Variants in DENND5A observed in about 807,000 individuals in gnomAD.
DENND5A encodes DENN domain containing 5A, also known as DENN domain-containing protein 5A.
DENND5A carries 64 observed loss-of-function variants against 140.3 expected under a neutral mutation model. That is an observed-to-expected ratio of 0.46 (90% CI 0.37 to 0.56). The LOEUF (loss-of-function observed/expected upper bound fraction) is 0.56, where lower values mean the gene tolerates loss of function less well. DENND5A is among the 20% of genes least tolerant of loss of function. DENND5A has a pLI of 0.00. For missense variants in DENND5A, 1,292 were observed against 1,593.8 expected (o/e 0.81, Z 3.22); for synonymous variants, 605 against 607.7 (o/e 1.00, Z 0.07).
At chr11:9,145,944 T>C (rs1847417949) in intron 16 of DENND5A, 129 bp from the exon 17 acceptor site, 2 of 1,011,326 alleles carry the variant, frequency 2.0e-6, no homozygotes, top group Admixed American at 4.2e-5. Flanking sequence ...AGCAGAGCCC[T>C]GGAACAAGAG....
intron 3 of DENND5A, among the ~76,000 whole-genome samples, chr11:9,205,952 G>A (rs1197564210): frequency 1.3e-5 from 2 of 152,142 alleles, no homozygotes. Flanking sequence ...GCAGAGGTCT[G>A]GAACCAGACT....
At chr11:9,225,576 G>A (rs1850497108) in intron 1 of DENND5A, among the ~76,000 whole-genome samples, 1 of 152,064 alleles carries the variant, frequency 6.6e-6, no homozygotes, top group Non-Finnish European at 1.5e-5. Context: ...CCTAGCCAAC[G>A]TGGTAAAACC....
intron 11 of DENND5A, 142 bp from the exon 12 acceptor site, chr11:9,161,007 T>C: frequency 1.2e-6 from 1 of 813,764 alleles, no homozygotes. Context: ...CAGAATATAT[T>C]TATACCCATG....
intron 8 of DENND5A, among the ~76,000 whole-genome samples, chr11:9,173,263 G>A (rs1474784373): frequency 1.3e-5 from 2 of 152,182 alleles, no homozygotes; most frequent in Non-Finnish European, 2.9e-5. Context: ...AATGTTAAAG[G>A]AAGTCCTTCT....
intron 10 of DENND5A, among the ~76,000 whole-genome samples, chr11:9,169,551 G>A (rs1490454822): frequency 6.7e-6 from 1 of 148,452 alleles, no homozygotes; most frequent in Non-Finnish European, 1.5e-5. Context: ...AATTTTTAAA[G>A]GATTTCTCCC....
intron 1 of DENND5A, among the ~76,000 whole-genome samples, chr11:9,234,858 G>C (rs1850934935): frequency 6.6e-6 from 1 of 152,164 alleles, no homozygotes; most frequent in African/African-American, 2.4e-5. Context: ...CTGGCTTGCT[G>C]TTAATAAAGG....
intron 1 of DENND5A, among the ~76,000 whole-genome samples, chr11:9,233,787 C>G (rs967575819): frequency 1.3e-5 from 2 of 152,106 alleles, no homozygotes; most frequent in Non-Finnish European, 2.9e-5. Flanking sequence ...CCTGCTGACA[C>G]CCTGATTTTG....
chr11:9,177,686 G>C (rs989087107), intron 8 of DENND5A, among the ~76,000 whole-genome samples: 2 of 148,668 alleles, frequency 1.3e-5, no homozygotes, highest in African/African-American at 5.0e-5. Context: ...AAAAGAAAGA[G>C]CTTCTGTAAC....
rs571585440 is a variant in DENND5A, at chr11:9,178,202, C to A, written c.1836G>T (p.Arg612Ser). The part of the protein sequence containing the change: ...RVFDSRVDKI[R>S]LLNVRTPTLR... Reference sequence around the variant, plus strand: ...GAGTAGGTGTCCGAACATTCAACAGCCTGATCTTGTCAACTCGGGAATCAA... The same window carrying A: ...GAGTAGGTGTCCGAACATTCAACAGACTGATCTTGTCAACTCGGGAATCAA... The change falls in exon 8 of 23, where the codon AGG (arginine) becomes AGT (serine). Residue 612 changes from arginine (R) to serine (S), a missense_variant. Arg to Ser is a moderately radical substitution (Grantham distance 110). Coordinates refer to ENST00000328194, the MANE Select transcript of DENND5A (RefSeq NM_015213.4). 1 of 1,614,134 alleles carries A rather than the reference C, an allele frequency of 6.2e-7. No individual in the cohort carries two copies. Among genetic ancestry groups the A allele is most frequent in the South Asian group, 1.1e-5 (1 of 91,080 alleles).
intron 3 of DENND5A, among the ~76,000 whole-genome samples, chr11:9,206,268 A>C (rs1668734364): frequency 6.6e-6 from 1 of 152,204 alleles, no homozygotes; most frequent in Admixed American, 6.5e-5. Flanking sequence ...AATGAAAATA[A>C]AATTATGATG....
Position 9,203,997 on chromosome 11 carries a change from A to C in DENND5A, c.612T>G (p.Ser204=), listed in dbSNP as rs771139510. 13 of 1,614,050 alleles carry C rather than the reference A, an allele frequency of 8.1e-6. No homozygotes were observed. Among genetic ancestry groups the C allele is most frequent in the Non-Finnish European group, 1.0e-5 (12 of 1,180,022 alleles). The change falls in exon 4 of 23, where the codon TCT becomes TCG. Residue 204 remains serine (S), a synonymous_variant. Transcript: ENST00000328194. Reference sequence around the variant, plus strand: ...TGGGTGTGATGAGGCAGATGCACTTAGAGACGTAGAGAGTGTCCCGGCTAA... The same window carrying C: ...TGGGTGTGATGAGGCAGATGCACTTCGAGACGTAGAGAGTGTCCCGGCTAA... ...YDISRDTLYV[S]KCICLITPMS... is the part of the protein sequence containing the mutation.
intron 1 of DENND5A, among the ~76,000 whole-genome samples, chr11:9,227,135 T>G (rs1850562686): frequency 6.6e-6 from 1 of 151,644 alleles, no homozygotes; most frequent in Non-Finnish European, 1.5e-5. Flanking sequence ...GCCATTGTAC[T>G]CCAGCCTGGG....
At chr11:9,143,133 T>C in intron 20 of DENND5A, 2 of 583,596 alleles carry the variant, frequency 3.4e-6, no homozygotes, top group South Asian at 4.5e-5. Context: ...CCCAGGCAAA[T>C]CTAGAAGAGG....
rs1254066404 is a variant in DENND5A, at chr11:9,139,002, A to C, written c.*669T>G. ...GGTTAAATAAATAAAACATTTTAAA[A>C]AAGAAAAAAGAAAAGAAAAACCTGT... On this transcript the variant is annotated 3_prime_UTR_variant, in exon 23 of 23. Coordinates refer to ENST00000328194, the MANE Select transcript of DENND5A (RefSeq NM_015213.4). 1 of 152,444 alleles carries C rather than the reference A, an allele frequency of 6.6e-6. No individual in the cohort carries two copies. Among genetic ancestry groups the C allele is most frequent in the Non-Finnish European group, 1.5e-5 (1 of 68,046 alleles). 9.4% of individuals were successfully genotyped at this position (152,444 alleles called of 1,614,324 possible).
intron 4 of DENND5A, among the ~76,000 whole-genome samples, chr11:9,201,377 T>A (rs950699305): frequency 1.2e-4 from 16 of 131,988 alleles, no homozygotes; most frequent in African/African-American, 3.0e-4. Context: ...TCTATTTCTT[T>A]AAAAAAAAAA....
chr11:9,186,504 T>C (rs529171803), intron 5 of DENND5A, among the ~76,000 whole-genome samples: 1 of 152,274 alleles, frequency 6.6e-6, no homozygotes, highest in African/African-American at 2.4e-5. Context: ...GTTTCTCCAA[T>C]AGGAAACACA....
chr11:9,203,599 C>A, intron 4 of DENND5A, 61 bp downstream of exon 4: 1 of 1,536,920 alleles, frequency 6.5e-7, no homozygotes, highest in South Asian at 1.3e-5. Context: ...CTCACTGTAT[C>A]TGAACATGGA....
At chr11:9,178,632 T>C (rs1224965274) in intron 7 of DENND5A, among the ~76,000 whole-genome samples, 1 of 152,212 alleles carries the variant, frequency 6.6e-6, no homozygotes, top group Non-Finnish European at 1.5e-5. Flanking sequence ...TGTCTATCTT[T>C]GCCTTAAGAG....
chr11:9,184,481 G>T (rs1848840684), intron 5 of DENND5A, among the ~76,000 whole-genome samples: 1 of 152,206 alleles, frequency 6.6e-6, no homozygotes. Context: ...GAACCACAGT[G>T]TTGTAAGGTA....
Sources: gnomAD v4.1 joint callset for allele counts (sites outside exome capture counted in the v4.1 genomes callset) on GRCh38, gnomAD v4.1.1 for gene constraint, MANE v1.5 for transcripts, NCBI Gene and HGNC (gene_info 2026-07-23, HGNC 2026-07-21) for gene names.